The following UNC13C variants were observed in gnomAD, a reference collection of about 807,000 sequenced individuals.
UNC13C encodes the protein protein unc-13 homolog C.
UNC13C carries 174 observed loss-of-function variants against 245.4 expected under a neutral mutation model. That is an observed-to-expected ratio of 0.71 (90% CI 0.63 to 0.80). The LOEUF (loss-of-function observed/expected upper bound fraction) is 0.80. Ranked by LOEUF, UNC13C falls within the 30% of genes least tolerant of loss-of-function variation. UNC13C has a pLI of 0.00. For missense variants in UNC13C, 2,829 were observed against 2,602.9 expected, an observed-to-expected ratio of 1.09 and a Z score of -1.89; for synonymous variants, 992 against 895.1, an observed-to-expected ratio of 1.11 and a Z score of -1.93.
intron 18 of UNC13C, among the ~76,000 whole-genome samples, chr15:54,409,321 T>C (rs1324524151): frequency 1.3e-5 from 2 of 152,100 alleles, no homozygotes; most frequent in Non-Finnish European, 2.9e-5. Flanking sequence ...ATAAGCTGTA[T>C]ATATTTTTCC....
chr15:53,894,973 C>G, the UNC13C span, among the ~76,000 whole-genome samples: 1 of 147,188 alleles, frequency 6.8e-6, no homozygotes. Context: ...TTATGTTTAT[C>G]AATATTACAT....
intron 30 of UNC13C, among the ~76,000 whole-genome samples, chr15:54,613,456 A>G (rs1900234831): frequency 6.6e-6 from 1 of 151,964 alleles, no homozygotes; most frequent in Non-Finnish European, 1.5e-5. Flanking sequence ...AATGCTGTCT[A>G]TTTAACATGG....
the UNC13C span, among the ~76,000 whole-genome samples, chr15:53,930,831 T>A: frequency 6.6e-6 from 1 of 152,002 alleles, no homozygotes; most frequent in African/African-American, 2.4e-5. Context: ...CTCATGCATT[T>A]TAGTACTGAG....
intron 19 of UNC13C, 128 bp from the exon 20 acceptor site, chr15:54,494,480 C>A: frequency 1.1e-5 from 10 of 888,520 alleles, no homozygotes; most frequent in Non-Finnish European, 1.6e-5. Flanking sequence ...TTTAGCAATT[C>A]ATTATACCTT....
At chr15:54,209,198 A>G (rs2034804135) in intron 4 of UNC13C, among the ~76,000 whole-genome samples, 1 of 152,130 alleles carries the variant, frequency 6.6e-6, no homozygotes, top group Non-Finnish European at 1.5e-5. Context: ...TGGAAGCACG[A>G]TGGGGTAAAT....
intron 2 of UNC13C, among the ~76,000 whole-genome samples, chr15:54,140,204 G>A (rs1240517888): frequency 6.6e-6 from 1 of 151,988 alleles, no homozygotes; most frequent in African/African-American, 2.4e-5. Context: ...TCTGCCATTA[G>A]GATTTTGACT....
Position 54,623,938 on chromosome 15 carries a change from A to C in UNC13C, c.6343A>C (p.Asn2115His). The change falls in exon 32 of 33, where the codon AAT becomes CAT. Residue 2115 changes from asparagine (N) to histidine (H), a missense_variant. Asn to His is a moderately conservative substitution (Grantham distance 68). Transcript: ENST00000260323. ...AAGCAACACATGGTCACCAAAGTAC[A>C]ATGAAACATTTCAGTTGTAAGTCAT... The part of the protein sequence containing the change: ...TKSNTWSPKY[N>H]ETFQFILGKE... 6.2e-7 allele frequency: 1 copy of C among 1,613,198 alleles called. No homozygotes were observed. The highest frequency in any genetic ancestry group is 8.5e-7 in the Non-Finnish European group (1 of 1,179,338).
At chr15:54,082,047 T>C (rs1234848087) in intron 2 of UNC13C, among the ~76,000 whole-genome samples, 1 of 152,190 alleles carries the variant, frequency 6.6e-6, no homozygotes, top group African/African-American at 2.4e-5. Flanking sequence ...TTATGGAGTT[T>C]AGTTTGTCAG....
intron 2 of UNC13C, among the ~76,000 whole-genome samples, chr15:54,032,714 A>C (rs1415302159): frequency 6.6e-6 from 1 of 152,198 alleles, no homozygotes; most frequent in Admixed American, 6.5e-5. Context: ...AGAAAATACA[A>C]GTTATTGTGC....
chr15:54,204,402 C>G (rs1461089859), intron 4 of UNC13C, among the ~76,000 whole-genome samples: 2 of 147,724 alleles, frequency 1.4e-5, no homozygotes. Context: ...GCGATATTAA[C>G]AGTAGTATAA....
intron 18 of UNC13C, among the ~76,000 whole-genome samples, chr15:54,403,304 G>C (rs1015082130): frequency 3.9e-5 from 6 of 152,112 alleles, no homozygotes; most frequent in African/African-American, 1.4e-4. Flanking sequence ...TACTTGGGAG[G>C]ATGAGGCGGG....
In UNC13C at chr15:54,108,261, G is replaced by A. The variant is rs915904267; in HGVS notation, c.2984-34757G>A. ...GAGTGCAGTGGCGCGATCTTGGCTCGCTGCAATCTCCGCCTCCAGGGTTCA... is the reference window on the plus strand; with the variant it reads ...GAGTGCAGTGGCGCGATCTTGGCTCACTGCAATCTCCGCCTCCAGGGTTCA... On this transcript the variant is annotated intron_variant, in intron 2 of 32. Transcript: ENST00000260323. 5.9e-5 allele frequency among the ~76,000 whole-genome samples: 9 copies of A among 151,886 alleles called. No individual in the cohort carries two copies. The South Asian group carries it at 8.3e-4, about 14-fold the overall frequency.
chr15:53,958,583 T>C, the UNC13C span, among the ~76,000 whole-genome samples: 1 of 152,170 alleles, frequency 6.6e-6, no homozygotes, highest in Admixed American at 6.5e-5. Context: ...AGTGGAATTA[T>C]GATGATAAGG....
intron 10 of UNC13C, among the ~76,000 whole-genome samples, chr15:54,269,633 C>G (rs1596117427): frequency 6.6e-6 from 1 of 152,242 alleles, no homozygotes; most frequent in East Asian, 1.9e-4. Flanking sequence ...ATTCGCAGTG[C>G]TCATCCAGAC....
In UNC13C at chr15:54,533,031, T is replaced by G. The variant is rs751923212; in HGVS notation, c.5661T>G (p.Ile1887Met). Residue 1887 changes from isoleucine to methionine, a missense_variant, in exon 26 of 33, where the codon ATT (isoleucine) becomes ATG (methionine). By Grantham distance (10) the Ile-to-Met change is conservative. Coordinates refer to ENST00000260323, the MANE Select transcript of UNC13C (RefSeq NM_001080534.3). ...NKNSAAMDAEIVLRSLMDFLD... is the reference protein window; with the variant it reads ...NKNSAAMDAEMVLRSLMDFLD... The stretch of plus-strand genomic sequence containing the variant: ...ACAGTGCAGCAATGGATGCAGAGAT[T>G]GTGTTAAGATCTCTTATGGATTTTT... 1.5e-5 allele frequency: 24 copies of G among 1,597,432 alleles called. No individual in the cohort carries two copies. The highest frequency in any genetic ancestry group is 2.0e-5 in the Non-Finnish European group (24 of 1,171,834).
At chr15:54,270,349 C>T (rs2036654671) in intron 10 of UNC13C, among the ~76,000 whole-genome samples, 1 of 152,102 alleles carries the variant, frequency 6.6e-6, no homozygotes, top group Admixed American at 6.5e-5. Flanking sequence ...TATATACTGA[C>T]ATTCTGAAAA....
At chr15:54,410,549 A>C (rs920727128) in intron 18 of UNC13C, among the ~76,000 whole-genome samples, 1 of 151,984 alleles carries the variant, frequency 6.6e-6, no homozygotes, top group African/African-American at 2.4e-5. Flanking sequence ...GTATATGGTG[A>C]AAAAGATCCA....
chr15:54,481,308 G>A (rs762438398), intron 19 of UNC13C, among the ~76,000 whole-genome samples: 1 of 152,152 alleles, frequency 6.6e-6, no homozygotes, highest in Non-Finnish European at 1.5e-5. Context: ...CATGAGTGGT[G>A]CATGCTGGAG....
At chr15:54,632,999 C>T (rs1364108374), downstream of UNC13C, 1 of 152,266 alleles carries the variant, frequency 6.6e-6, no homozygotes. Flanking sequence ...AACCCCGACT[C>T]TACTAAAAAT....
Sources: gnomAD v4.1 joint callset for allele counts (sites outside exome capture counted in the v4.1 genomes callset) on GRCh38, gnomAD v4.1.1 for gene constraint, MANE v1.5 for transcripts, NCBI Gene and HGNC (gene_info 2026-07-23, HGNC 2026-07-21) for gene names.